The following GALNT13 variants were observed in gnomAD, a reference collection of about 807,000 sequenced individuals.
The protein encoded by GALNT13 is polypeptide N-acetylgalactosaminyltransferase 13.
In GALNT13, 28 loss-of-function variants were observed where a neutral mutation model predicts 64.2. The ratio of observed to expected loss-of-function variants is 0.44; its 90% confidence interval spans 0.32 to 0.60. The LOEUF (loss-of-function observed/expected upper bound fraction) is 0.60. Ranked by LOEUF, GALNT13 falls within the 20% of genes least tolerant of loss-of-function variation. The probability of loss-of-function intolerance (pLI) is 0.05; values close to 1 mark genes in which losing one functional copy is unlikely to be tolerated. For missense variants in GALNT13, 577 were observed against 669.8 expected, an observed-to-expected ratio of 0.86 and a Z score of 1.53; for synonymous variants, 214 against 224.6, an observed-to-expected ratio of 0.95 and a Z score of 0.42.
At chr2:153,298,600 C>T in the GALNT13 span, among the ~76,000 whole-genome samples, 464 of 152,296 alleles carry the variant, frequency 3.0e-3, 3 homozygotes, top group African/African-American at 0.011. Flanking sequence ...CTGTTAGGCA[C>T]TCTGAATTCC....
the GALNT13 span, among the ~76,000 whole-genome samples, chr2:153,561,284 G>A: frequency 6.6e-6 from 1 of 151,570 alleles, no homozygotes; most frequent in Admixed American, 6.6e-5. Context: ...TATACAGGTT[G>A]ACTATCCCTT....
At chr2:153,129,023 T>C in the GALNT13 span, among the ~76,000 whole-genome samples, 1 of 152,078 alleles carries the variant, frequency 6.6e-6, no homozygotes, top group Non-Finnish European at 1.5e-5. Flanking sequence ...CCAAACCATA[T>C]CAGATAGTGT....
At chr2:153,516,886 G>A in the GALNT13 span, among the ~76,000 whole-genome samples, 3 of 151,880 alleles carry the variant, frequency 2.0e-5, no homozygotes, top group Admixed American at 6.6e-5. Flanking sequence ...CAGTATTCAA[G>A]TGCTCTCTTA....
At chr2:153,483,112 T>TG in the GALNT13 span, among the ~76,000 whole-genome samples, 1 of 152,198 alleles carries the variant, frequency 6.6e-6, no homozygotes, top group Admixed American at 6.5e-5. Context: ...GGAACCCTCG[T>TG]GCATTGCTGG....
At chr2:153,644,749 C>T in the GALNT13 span, among the ~76,000 whole-genome samples, 5 of 152,022 alleles carry the variant, frequency 3.3e-5, no homozygotes, top group African/African-American at 1.2e-4. Flanking sequence ...ACCACTTATA[C>T]AAATGCATTC....
At chr2:153,143,873 G>T in the GALNT13 span, among the ~76,000 whole-genome samples, 58 of 152,082 alleles carry the variant, frequency 3.8e-4, no homozygotes, top group African/African-American at 1.3e-3. Context: ...TGGCTTAAAA[G>T]CTTTTCAAGT....
the GALNT13 span, among the ~76,000 whole-genome samples, chr2:153,681,296 T>C: frequency 0.27 from 41,005 of 151,688 alleles, 5,859 homozygotes; most frequent in Admixed American, 0.4. Context: ...AATGACACAA[T>C]TGTGACCTTG....
At chr2:153,430,720 T>C in the GALNT13 span, among the ~76,000 whole-genome samples, 1 of 151,734 alleles carries the variant, frequency 6.6e-6, no homozygotes. Flanking sequence ...GTTATGTTAT[T>C]TTGATATAAG....
chr2:153,244,840 G>A, the GALNT13 span, among the ~76,000 whole-genome samples: 2 of 152,160 alleles, frequency 1.3e-5, no homozygotes, highest in African/African-American at 4.8e-5. Flanking sequence ...CATTCAGTGG[G>A]TCCTGCTCCC....
At chr2:153,307,652 T>C in the GALNT13 span, among the ~76,000 whole-genome samples, 2 of 152,084 alleles carry the variant, frequency 1.3e-5, no homozygotes, top group African/African-American at 2.4e-5. Flanking sequence ...ATATAGAAAT[T>C]ATAGGATATA....
the GALNT13 span, among the ~76,000 whole-genome samples, chr2:153,847,387 T>C: frequency 2.1e-5 from 2 of 94,484 alleles, no homozygotes; most frequent in African/African-American, 3.5e-5. Flanking sequence ...TTGACAAATA[T>C]ATGTGCTCAT....
intron 4 of GALNT13, among the ~76,000 whole-genome samples, chr2:154,213,823 T>G (rs754459451): frequency 6.6e-6 from 1 of 152,178 alleles, no homozygotes; most frequent in Non-Finnish European, 1.5e-5. Context: ...TAATTTTGTA[T>G]TTACCTAAAA....
At chr2:153,188,660 A>T in the GALNT13 span, among the ~76,000 whole-genome samples, 2 of 152,272 alleles carry the variant, frequency 1.3e-5, no homozygotes, top group East Asian at 3.9e-4. Flanking sequence ...CTTAAAGTGA[A>T]CTTTTAAAAT....
chr2:153,280,278 G>C, the GALNT13 span, among the ~76,000 whole-genome samples: 1 of 152,004 alleles, frequency 6.6e-6, no homozygotes, highest in Non-Finnish European at 1.5e-5. Context: ...AATCTAGCTA[G>C]TGATTTATAG....
intron 11 of GALNT13, among the ~76,000 whole-genome samples, chr2:154,422,057 A>G (rs149438124): frequency 6.6e-6 from 1 of 152,232 alleles, no homozygotes; most frequent in Non-Finnish European, 1.5e-5. Flanking sequence ...CACTGCCACA[A>G]ATGGAATTGA....
the GALNT13 span, among the ~76,000 whole-genome samples, chr2:153,362,715 C>A: frequency 6.6e-6 from 1 of 152,090 alleles, no homozygotes; most frequent in Admixed American, 6.5e-5. Flanking sequence ...GCACCCAGTA[C>A]AGGAGCACCC....
chr2:153,129,768 CA>C, the GALNT13 span, among the ~76,000 whole-genome samples: 489 of 130,768 alleles, frequency 3.7e-3, 1 homozygote, highest in African/African-American at 0.012. Context: ...GACTCTGTCT[CA>C]AAAAAAAAAA....
chr2:153,817,973 G>A, the GALNT13 span, among the ~76,000 whole-genome samples: 2 of 152,098 alleles, frequency 1.3e-5, no homozygotes, highest in African/African-American at 4.8e-5. Context: ...AAGAGTTTGA[G>A]TAAATACCAC....
chr2:154,196,900 T>C (rs1268520028), intron 4 of GALNT13, among the ~76,000 whole-genome samples: 1 of 152,208 alleles, frequency 6.6e-6, no homozygotes, highest in African/African-American at 2.4e-5. Flanking sequence ...TGCTTAAGCA[T>C]CATGGGTTCT....
Sources: allele counts gnomAD v4.1 joint callset (sites outside exome capture counted in the v4.1 genomes callset), GRCh38; gene constraint gnomAD v4.1.1; transcripts MANE v1.5; gene names NCBI Gene and HGNC (gene_info 2026-07-23, HGNC 2026-07-21).